A2ML1: variants seen among roughly 807,000 people sequenced by gnomAD.
The protein encoded by A2ML1 is alpha-2-macroglobulin-like protein 1.
A2ML1 carries 161 observed loss-of-function variants against 181.9 expected under a neutral mutation model. That is an observed-to-expected ratio of 0.89 (90% CI 0.78 to 1.01). A2ML1 has a LOEUF of 1.01. Among genes scored for constraint, A2ML1 ranks in the 50% least tolerant of loss-of-function variants. The pLI is 0.00. For missense variants in A2ML1, 1,670 were observed against 1,768.1 expected, an observed-to-expected ratio of 0.94 and a Z score of 1.00; for synonymous variants, 663 against 666.8, an observed-to-expected ratio of 0.99 and a Z score of 0.09.
At chr12:8,859,866 C>G (rs930680938) in intron 26 of A2ML1, among the ~76,000 whole-genome samples, 2 of 152,016 alleles carry the variant, frequency 1.3e-5, no homozygotes, top group Non-Finnish European at 2.9e-5. Context: ...CGTGCCCAGC[C>G]TCTTCCTACT....
chr12:8,884,742 G>A (rs779942471), intron 7 of A2ML1, among the ~76,000 whole-genome samples: 9 of 152,166 alleles, frequency 5.9e-5, no homozygotes, highest in African/African-American at 9.7e-5. Context: ...TAGTAGAGAC[G>A]AGGTTTCACT....
At chr12:8,832,369 C>A (rs191979031) in intron 4 of A2ML1, among the ~76,000 whole-genome samples, 2 of 152,300 alleles carry the variant, frequency 1.3e-5, no homozygotes, top group African/African-American at 4.8e-5. Context: ...AGTGTAATTT[C>A]TAATCTTGTA....
chr12:8,884,251 T>TG (rs1437349531), intron 7 of A2ML1, among the ~76,000 whole-genome samples: 20 of 151,212 alleles, frequency 1.3e-4, no homozygotes, highest in African/African-American at 4.8e-4. Context: ...GTTTTGTTTT[T>TG]TTTTAACTAT....
At chr12:8,850,981 C>T (rs1943868752) in intron 18 of A2ML1, among the ~76,000 whole-genome samples, 3 of 152,160 alleles carry the variant, frequency 2.0e-5, no homozygotes, top group Non-Finnish European at 4.4e-5. Flanking sequence ...TCAAGTGATC[C>T]ACCCGCCTTG....
chr12:8,848,471 ACTCCGT>A lies in A2ML1; in HGVS notation c.1834-245_1834-240del, dbSNP rs768824040. Among the ~76,000 whole-genome samples the A allele has an allele frequency of 7.9e-5, 12 of 151,880 alleles. No homozygotes were observed. In the East Asian group the frequency reaches 2.1e-3, roughly 27 times the overall value. On this transcript the variant is annotated intron_variant, in intron 15 of 35. Transcript: ENST00000299698. The stretch of plus-strand genomic sequence containing the variant: ...ACTTCAATCTGGGCGACAGAGCAAG[ACTCCGT>A]CTCAAAAAAAAAACAAGAAAGAGAA...
At chr12:8,829,625 A>T (rs1943043447) in intron 3 of A2ML1, 102 bp from the exon 4 acceptor site, 3 of 1,214,382 alleles carry the variant, frequency 2.5e-6, no homozygotes, top group Admixed American at 4.0e-5. Context: ...ACTGCACTCC[A>T]ACCTGGGTGA....
Position 8,851,800 on chromosome 12 carries a change from G to A in A2ML1, c.2251G>A (p.Ala751Thr), listed in dbSNP as rs370582885. 72 of 1,613,978 alleles carry A rather than the reference G, an allele frequency of 4.5e-5. No individual in the cohort carries two copies. Among genetic ancestry groups the A allele is most frequent in the Non-Finnish European group, 5.8e-5 (68 of 1,180,044 alleles). ...TTTTCACAGTAACTCGGGGAAGGAGGCGGTCCACGTCACAGTTCCTGACGC... is the reference window on the plus strand; with the variant it reads ...TTTTCACAGTAACTCGGGGAAGGAGACGGTCCACGTCACAGTTCCTGACGC... ...LFPIGNSGKE[A>T]VHVTVPDAIT... Residue 751 changes from alanine (A) to threonine (T), a missense_variant, in exon 19 of 36, where the codon GCG (alanine) becomes ACG (threonine). Transcript: ENST00000299698.
intron 3 of A2ML1, among the ~76,000 whole-genome samples, chr12:8,828,856 C>T (rs989693213): frequency 6.6e-5 from 10 of 152,166 alleles, no homozygotes; most frequent in African/African-American, 2.2e-4. Flanking sequence ...CCCTGGCTAA[C>T]GCTGGTCTAA....
At chr12:8,842,133 G>A (rs979951936) in intron 11 of A2ML1, among the ~76,000 whole-genome samples, 3 of 152,162 alleles carry the variant, frequency 2.0e-5, no homozygotes, top group Admixed American at 6.5e-5. Context: ...GCTAGCCCAG[G>A]TATATTCTTA....
intron 20 of A2ML1, among the ~76,000 whole-genome samples, chr12:8,853,369 T>C (rs761382290): frequency 1.3e-5 from 2 of 152,238 alleles, no homozygotes; most frequent in Non-Finnish European, 2.9e-5. Flanking sequence ...AAGTTTGATT[T>C]TCATATGTAT....
Position 8,852,023 on chromosome 12 carries a change from G to C in A2ML1, c.2463+11G>C. 1.9e-6 allele frequency: 3 copies of C among 1,612,766 alleles called. No homozygotes were observed. The highest frequency in any genetic ancestry group is 2.5e-6 in the Non-Finnish European group (3 of 1,178,800). On this transcript the variant is annotated intron_variant, in intron 19 of 35. Coordinates refer to ENST00000299698, the MANE Select transcript of A2ML1 (RefSeq NM_144670.6). The surrounding 1 kb of genome is among the most constrained non-coding windows in gnomAD (Gnocchi z 4.2). ...AAGGATTGCATCAGGGTGAGAGCTG[G>C]GGATACAGGAATCAGGTGTCAGCCC...
At chr12:8,829,590 G>A (rs999711354) in intron 3 of A2ML1, 137 bp from the exon 4 acceptor site, 13 of 790,576 alleles carry the variant, frequency 1.6e-5, no homozygotes, top group Non-Finnish European at 2.4e-5. Context: ...AGGAGTTTGA[G>A]GCTGAAGTGA....
chr12:8,847,845 G>A, intron 15 of A2ML1, 147 bp downstream of exon 15: 6 of 1,143,684 alleles, frequency 5.2e-6, no homozygotes, highest in Non-Finnish European at 5.9e-6. Context: ...AATGAAGTTA[G>A]AAAGTGTAAG....
In A2ML1 at chr12:8,823,198, T is replaced by A; in HGVS notation, c.79T>A (p.Leu27Ile). Residue 27 changes from leucine to isoleucine, a missense_variant, in exon 2 of 36, where the codon TTA becomes ATA. Physicochemically the swap from Leu to Ile is conservative, Grantham distance 5 (BLOSUM62 2). Transcript: ENST00000299698. ...CTTTAATAGAAACTACCTGGTGACA[T>A]TACCAGCCCGGCTAAATTTCCCCTC... ...AEELPNYLVT[L>I]PARLNFPSVQ... The A allele has an allele frequency of 6.2e-7, 1 of 1,613,816 alleles. No homozygotes were observed. The highest frequency in any genetic ancestry group is 8.5e-7 in the Non-Finnish European group (1 of 1,179,956).
chr12:8,829,940 G>A, intron 4 of A2ML1, 161 bp downstream of exon 4: 2 of 765,528 alleles, frequency 2.6e-6, no homozygotes, highest in Admixed American at 5.4e-5. Flanking sequence ...CGAGCTTCAG[G>A]GAGCTAGCCT....
At position 8,823,200 on chromosome 12, in the gene A2ML1, A is replaced by T; in HGVS notation, c.81A>T (p.Leu27Phe). 6.2e-7 allele frequency: 1 copy of T among 1,613,908 alleles called. No homozygotes were observed. The highest frequency in any genetic ancestry group is 8.5e-7 in the Non-Finnish European group (1 of 1,179,970). ...AEELPNYLVT[L>F]PARLNFPSVQ... ...TTAATAGAAACTACCTGGTGACATT[A>T]CCAGCCCGGCTAAATTTCCCCTCCG... The change falls in exon 2 of 36, where the codon TTA (leucine) becomes TTT (phenylalanine). Residue 27 changes from leucine (L) to phenylalanine (F), a missense_variant. By Grantham distance (22) the Leu-to-Phe change is conservative. Transcript: ENST00000299698.
intron 7 of A2ML1, among the ~76,000 whole-genome samples, chr12:8,885,029 G>C (rs1367787830): frequency 6.6e-6 from 1 of 152,124 alleles, no homozygotes; most frequent in East Asian, 1.9e-4. Flanking sequence ...ATTCCTCTGG[G>C]TATATATCCA....
downstream of A2ML1, chr12:8,887,085 G>C (rs1227250122): frequency 6.6e-6 from 1 of 151,938 alleles, no homozygotes; most frequent in Non-Finnish European, 1.5e-5. Context: ...TTAAGCCCAG[G>C]AGGTCGAGCC....
intron 3 of A2ML1, among the ~76,000 whole-genome samples, chr12:8,825,018 C>T (rs969800707): frequency 1.3e-5 from 2 of 152,176 alleles, no homozygotes; most frequent in African/African-American, 2.4e-5. Context: ...AGGTTGCTTC[C>T]ATATCTTGGC....
Sources: gnomAD v4.1 joint callset for allele counts (sites outside exome capture counted in the v4.1 genomes callset) on GRCh38, gnomAD v4.1.1 for gene constraint, Gnocchi (gnomAD v3.1) non-coding constraint, MANE v1.5 for transcripts, NCBI Gene and HGNC (gene_info 2026-07-23, HGNC 2026-07-21) for gene names.